The following FHIP2A variants were observed in gnomAD, a reference collection of about 807,000 sequenced individuals.
The protein encoded by FHIP2A is family with sequence similarity 160 member B1.
Under a neutral mutation model 93.5 loss-of-function variants are expected in FHIP2A, and 46 were observed. That is an observed-to-expected ratio of 0.49 (90% CI 0.39 to 0.63). The LOEUF is 0.63. Ranked by LOEUF, FHIP2A falls within the 20% of genes least tolerant of loss-of-function variation. The pLI is 0.00. For missense variants in FHIP2A, 769 were observed against 909.7 expected, an observed-to-expected ratio of 0.85 and a Z score of 1.99; for synonymous variants, 332 against 326.5, an observed-to-expected ratio of 1.02 and a Z score of -0.18.
chr10:114,838,413 A>AT (rs1466000493), intron 5 of FHIP2A, among the ~76,000 whole-genome samples: 1 of 152,066 alleles, frequency 6.6e-6, no homozygotes, highest in Non-Finnish European at 1.5e-5. Flanking sequence ...TGTGCGTTAT[A>AT]TTTTGTATCA....
Position 114,852,087 on chromosome 10 carries a change from C to G in FHIP2A, c.1804-3110C>G, listed in dbSNP as rs538247786. On this transcript the variant is annotated intron_variant, in intron 13 of 16. Transcript: ENST00000369248. Reference sequence around the variant, plus strand: ...TTTAAACCACCTCCCACCCCCCACCCCAGCCCTGCCATTTCAAACTTTCTC... The same window carrying G: ...TTTAAACCACCTCCCACCCCCCACCGCAGCCCTGCCATTTCAAACTTTCTC... Among the ~76,000 whole-genome samples, 8 of 116,552 alleles carry G rather than the reference C, an allele frequency of 6.9e-5. No homozygotes were observed. In the South Asian group the frequency reaches 2.0e-3, roughly 29 times the overall value. 76.5% of individuals were successfully genotyped at this position (116,552 alleles called of 152,430 possible). A position where few individuals can be genotyped will look rare whatever the true frequency, so the allele number is the denominator to read the frequency against.
At position 114,821,941 on chromosome 10, in the gene FHIP2A, C is replaced by T. The variant is rs931339383; in HGVS notation, c.-138C>T. 7 of 414,264 alleles carry T rather than the reference C, an allele frequency of 1.7e-5. No homozygotes were observed. Among genetic ancestry groups the T allele is most frequent in the African/African-American group, 1.1e-4 (5 of 47,040 alleles). 25.7% of individuals were successfully genotyped at this position (414,264 alleles called of 1,614,324 possible). A position where few individuals can be genotyped will look rare whatever the true frequency, so the allele number is the denominator to read the frequency against. On this transcript the variant is annotated 5_prime_UTR_variant, in exon 1 of 17. Transcript: ENST00000369248. ...GAAGCGGCCGGGCCAGGCCCTGCCTCGATCCTCAGCTCGTCCTCCCCGCCC... is the reference window on the plus strand; with the variant it reads ...GAAGCGGCCGGGCCAGGCCCTGCCTTGATCCTCAGCTCGTCCTCCCCGCCC...
intron 1 of FHIP2A, among the ~76,000 whole-genome samples, chr10:114,828,062 T>G (rs2083587536): frequency 6.6e-6 from 1 of 152,140 alleles, no homozygotes; most frequent in Non-Finnish European, 1.5e-5. Flanking sequence ...AACAGGTAAT[T>G]TGCATGTTAG....
At chr10:114,826,487 C>G (rs890547546) in intron 1 of FHIP2A, among the ~76,000 whole-genome samples, 1 of 152,164 alleles carries the variant, frequency 6.6e-6, no homozygotes, top group African/African-American at 2.4e-5. Context: ...TAGTGCAGTG[C>G]CTGGCACATA....
Position 114,840,847 on chromosome 10 carries a change from G to A in FHIP2A, c.523-2086G>A, listed in dbSNP as rs541225880. 3.9e-5 allele frequency among the ~76,000 whole-genome samples: 6 copies of A among 152,266 alleles called. No homozygotes were observed. In the East Asian group the frequency reaches 1.2e-3, roughly 29 times the overall value. On this transcript the variant is annotated intron_variant, in intron 5 of 16. Transcript: ENST00000369248. ...CATGATTTCCTGATGGAGATAATTAGCAGGTATTCGGTATTGCAAATCTTT... is the reference window on the plus strand; with the variant it reads ...CATGATTTCCTGATGGAGATAATTAACAGGTATTCGGTATTGCAAATCTTT...
intron 16 of FHIP2A, among the ~76,000 whole-genome samples, chr10:114,870,097 A>G (rs2083849798): frequency 6.6e-6 from 1 of 152,208 alleles, no homozygotes; most frequent in Non-Finnish European, 1.5e-5. Context: ...TCCTCATTGT[A>G]CAGCTTGCCA....
intron 16 of FHIP2A, among the ~76,000 whole-genome samples, chr10:114,893,949 A>G (rs995204761): frequency 6.6e-6 from 1 of 152,160 alleles, no homozygotes; most frequent in Admixed American, 6.5e-5. Context: ...TTTAAAAAAT[A>G]TATCTGGGTT....
intron 16 of FHIP2A, among the ~76,000 whole-genome samples, chr10:114,899,229 A>G (rs2084015246): frequency 6.6e-6 from 1 of 152,258 alleles, no homozygotes; most frequent in Non-Finnish European, 1.5e-5. Flanking sequence ...TTTGTTGCAT[A>G]GCAATACATT....
intron 16 of FHIP2A, among the ~76,000 whole-genome samples, chr10:114,887,662 T>G (rs1291081114): frequency 6.6e-6 from 1 of 152,184 alleles, no homozygotes; most frequent in Non-Finnish European, 1.5e-5. Context: ...GATTAGGCAA[T>G]GGGGATTAAT....
chr10:114,884,896 A>G (rs2083934497), intron 16 of FHIP2A, among the ~76,000 whole-genome samples: 1 of 144,154 alleles, frequency 6.9e-6, no homozygotes, highest in African/African-American at 2.6e-5. Context: ...CCTGGGCGAC[A>G]GAGTGAGACT....
At chr10:114,845,889 G>A (rs947340674) in intron 8 of FHIP2A, 124 bp from the exon 9 acceptor site, 5 of 704,066 alleles carry the variant, frequency 7.1e-6, no homozygotes, top group African/African-American at 5.4e-5. Context: ...CCAATAAGAG[G>A]GTCATTAGGC....
chr10:114,865,822 A>G (rs1234254704), downstream of FHIP2A, among the ~76,000 whole-genome samples: 1 of 147,892 alleles, frequency 6.8e-6, no homozygotes, highest in African/African-American at 2.5e-5. Context: ...AAAAAAAAAT[A>G]GATATAAGCA....
chr10:114,851,715 A>C (rs12356880), intron 13 of FHIP2A, among the ~76,000 whole-genome samples: 5 of 35,760 alleles, frequency 1.4e-4, no homozygotes, highest in African/African-American at 5.2e-4. Flanking sequence ...CCATTTCTGC[A>C]AAAAAAAAAA....
chr10:114,821,865 C>T lies in FHIP2A; in HGVS notation c.-214C>T, dbSNP rs933133110. 1 of 275,320 alleles carries T rather than the reference C, an allele frequency of 3.6e-6. No individual in the cohort carries two copies. Among genetic ancestry groups the T allele is most frequent in the East Asian group, 5.8e-5 (1 of 17,282 alleles). 17.1% of individuals were successfully genotyped at this position (275,320 alleles called of 1,614,324 possible). On this transcript the variant is annotated 5_prime_UTR_variant, in exon 1 of 17. Transcript: ENST00000369248. ...TCCTCGCCGAACGCCCTCCTCGCCGCCCGCCGCGTCCCGGCGCCCTCCGGA... is the reference window on the plus strand; with the variant it reads ...TCCTCGCCGAACGCCCTCCTCGCCGTCCGCCGCGTCCCGGCGCCCTCCGGA...
intron 1 of FHIP2A, among the ~76,000 whole-genome samples, chr10:114,823,208 C>A (rs1462198093): frequency 6.6e-6 from 1 of 152,080 alleles, no homozygotes; most frequent in Non-Finnish European, 1.5e-5. Flanking sequence ...GTAATAAAAA[C>A]AAACTTTAGT....
chr10:114,823,541 T>C (rs983019050), intron 1 of FHIP2A, among the ~76,000 whole-genome samples: 9 of 152,038 alleles, frequency 5.9e-5, no homozygotes, highest in Non-Finnish European at 1.0e-4. Context: ...GTCACCCAGG[T>C]TGGAGTGCAG....
intron 13 of FHIP2A, among the ~76,000 whole-genome samples, chr10:114,854,284 GGAATTC>G (rs2083753919): frequency 6.6e-6 from 1 of 151,994 alleles, no homozygotes; most frequent in Admixed American, 6.6e-5. Flanking sequence ...CGTGAGGTCA[GGAATTC>G]GAGACCAGCC....
Position 114,864,510 on chromosome 10 carries a change from T to G in FHIP2A, c.*2970T>G. 1.0e-6 allele frequency: 1 copy of G among 985,806 alleles called. No homozygotes were observed. The highest frequency in any genetic ancestry group is 1.2e-6 in the Non-Finnish European group (1 of 829,920). The allele number at this position is 985,806 out of a possible 1,614,324, so 61.1% of individuals were successfully genotyped here. ...ACATTAAACAGGATATTTGGTAAAT[T>G]TTTTTGTATTGAAAGTTGTGTAGGT... On this transcript the variant is annotated 3_prime_UTR_variant, in exon 17 of 17. Transcript: ENST00000369248.
intron 1 of FHIP2A, among the ~76,000 whole-genome samples, chr10:114,825,863 C>T (rs1476859321): frequency 2.6e-5 from 4 of 152,328 alleles, no homozygotes; most frequent in South Asian, 2.1e-4. Flanking sequence ...TCCACCCTTG[C>T]GGGCAGATTT....
Sources: allele counts gnomAD v4.1 joint callset (sites outside exome capture counted in the v4.1 genomes callset), GRCh38; gene constraint gnomAD v4.1.1; transcripts MANE v1.5; gene names NCBI Gene and HGNC (gene_info 2026-07-23, HGNC 2026-07-21).